The following RSRC1 variants were observed in gnomAD, a reference collection of about 807,000 sequenced individuals.
RSRC1 encodes the protein arginine and serine rich coiled-coil 1, also known as serine/Arginine-related protein 53.
A neutral mutation model predicts 49.1 loss-of-function variants in RSRC1; 39 were observed. The observed-to-expected ratio is 0.79, with a 90% confidence interval of 0.61 to 1.04. RSRC1 has a LOEUF of 1.04. RSRC1 is among the 50% of genes least tolerant of loss of function. RSRC1 has a pLI of 0.00. For synonymous variants in RSRC1, 143 were observed against 130.8 expected, an observed-to-expected ratio of 1.09 and a Z score of -0.63; for missense variants, 388 against 402.4, an observed-to-expected ratio of 0.96 and a Z score of 0.31.
In RSRC1 at chr3:158,477,798, T is replaced by TATATATATATATATATATATATA. The variant is rs1738432613; in HGVS notation, c.652+16795_652+16796insATATATATATATATATATATATA. ...TGATGGGATAGGTTGCGGGAGGGATTTATATATATATATATATATATATAT... is the reference window on the plus strand; with the variant it reads ...TGATGGGATAGGTTGCGGGAGGGATTATATATATATATATATATATATATATATATATATATATATATATATAT... On this transcript the variant is annotated intron_variant, in intron 7 of 9. Coordinates refer to ENST00000611884, the MANE Select transcript of RSRC1 (RefSeq NM_001271838.2). Among the ~76,000 whole-genome samples, 20 of 89,768 alleles carry TATATATATATATATATATATATA rather than the reference T, an allele frequency of 2.2e-4. 1 individual carries two copies. Among genetic ancestry groups the TATATATATATATATATATATATA allele is most frequent in the African/African-American group, 8.8e-4 (19 of 21,646 alleles). The allele number at this position is 89,768 out of a possible 152,430, so 58.9% of individuals were successfully genotyped here. A position where few individuals can be genotyped will look rare whatever the true frequency, so the allele number is the denominator to read the frequency against.
At chr3:158,194,990 TATA>T (rs1178648933) in intron 3 of RSRC1, among the ~76,000 whole-genome samples, 1 of 152,208 alleles carries the variant, frequency 6.6e-6, no homozygotes, top group Non-Finnish European at 1.5e-5. Context: ...CAGCATGATT[TATA>T]ATCCTTTGGG....
intron 4 of RSRC1, among the ~76,000 whole-genome samples, chr3:158,264,810 T>A (rs1479492260): frequency 6.6e-6 from 1 of 152,210 alleles, no homozygotes; most frequent in African/African-American, 2.4e-5. Context: ...GTCCTGGGTA[T>A]TTTAACCTAT....
At chr3:158,518,969 ATCTGAAGTACAGGCTC>A (rs1252022935) in intron 7 of RSRC1, among the ~76,000 whole-genome samples, 1 of 152,056 alleles carries the variant, frequency 6.6e-6, no homozygotes, top group African/African-American at 2.4e-5. Flanking sequence ...CCAAATTTTT[ATCTGAAGTACAGGCTC>A]TCTCTTCCGA....
At chr3:158,385,110 G>A (rs1365988927) in intron 6 of RSRC1, among the ~76,000 whole-genome samples, 4 of 152,020 alleles carry the variant, frequency 2.6e-5, no homozygotes, top group South Asian at 2.1e-4. Flanking sequence ...AGAACACTCC[G>A]CTATCACTGA....
intron 5 of RSRC1, among the ~76,000 whole-genome samples, chr3:158,353,908 A>G (rs1024206599): frequency 6.6e-6 from 1 of 151,706 alleles, no homozygotes; most frequent in Non-Finnish European, 1.5e-5. Context: ...GACATAATTC[A>G]TGATATAATT....
chr3:158,479,391 C>T (rs986428861), intron 7 of RSRC1, among the ~76,000 whole-genome samples: 3 of 151,650 alleles, frequency 2.0e-5, no homozygotes, highest in South Asian at 2.1e-4. Context: ...TTGGAATTTG[C>T]GAACCACTGC....
intron 5 of RSRC1, among the ~76,000 whole-genome samples, chr3:158,307,427 C>T (rs992028306): frequency 1.3e-5 from 2 of 151,874 alleles, no homozygotes; most frequent in South Asian, 2.1e-4. Flanking sequence ...GCTTACCTAA[C>T]TTAAATGAGA....
chr3:158,346,773 A>T (rs1651225834), intron 5 of RSRC1, among the ~76,000 whole-genome samples: 1 of 152,332 alleles, frequency 6.6e-6, no homozygotes, highest in South Asian at 2.1e-4. Context: ...ATAGATATTT[A>T]CCCAAGAGAT....
At chr3:158,491,459 G>A (rs1250857903) in intron 7 of RSRC1, among the ~76,000 whole-genome samples, 1 of 152,026 alleles carries the variant, frequency 6.6e-6, no homozygotes, top group Non-Finnish European at 1.5e-5. Context: ...GTTTTGGTTT[G>A]GTTTGGTTTT....
intron 6 of RSRC1, among the ~76,000 whole-genome samples, chr3:158,367,209 G>A (rs572626167): frequency 7.5e-4 from 114 of 152,168 alleles, no homozygotes; most frequent in African/African-American, 2.6e-3. Context: ...TCCTTGTCTC[G>A]TGCCGGTTTT....
chr3:158,422,723 G>C (rs373136052), intron 6 of RSRC1, among the ~76,000 whole-genome samples: 16 of 149,942 alleles, frequency 1.1e-4, no homozygotes, highest in Middle Eastern at 3.5e-3. Flanking sequence ...TTCTCCACAT[G>C]CTCTCCAGCA....
chr3:158,319,276 T>C lies in RSRC1; in HGVS notation c.531+21201T>C, dbSNP rs137972915. 2.6e-5 allele frequency among the ~76,000 whole-genome samples: 4 copies of C among 152,220 alleles called. No individual in the cohort carries two copies. The East Asian group carries it at 7.7e-4, about 29-fold the overall frequency. On this transcript the variant is annotated intron_variant, in intron 5 of 9. Coordinates refer to ENST00000611884, the MANE Select transcript of RSRC1 (RefSeq NM_001271838.2). ...TGAGTTATCATGAAATCGGATAGTTTAAGAGTGGCACTTCCCCACTCTCAC... is the reference window on the plus strand; with the variant it reads ...TGAGTTATCATGAAATCGGATAGTTCAAGAGTGGCACTTCCCCACTCTCAC...
intron 1 of RSRC1, among the ~76,000 whole-genome samples, chr3:158,112,509 C>G (rs1407643043): frequency 1.3e-5 from 2 of 152,096 alleles, no homozygotes; most frequent in Non-Finnish European, 2.9e-5. Flanking sequence ...TTGAAGTTAA[C>G]TATAACAAAG....
At chr3:158,205,649 C>T (rs1317231718) in intron 4 of RSRC1, among the ~76,000 whole-genome samples, 3 of 152,052 alleles carry the variant, frequency 2.0e-5, no homozygotes, top group Non-Finnish European at 4.4e-5. Flanking sequence ...AGTTAGGATG[C>T]TTTGGCTGTA....
At chr3:158,317,265 G>A (rs979462920) in intron 5 of RSRC1, among the ~76,000 whole-genome samples, 3 of 152,182 alleles carry the variant, frequency 2.0e-5, no homozygotes, top group African/African-American at 7.2e-5. Flanking sequence ...GTCTTACTCT[G>A]TCCTCCAGGC....
chr3:158,322,497 A>T (rs979453726), intron 5 of RSRC1, among the ~76,000 whole-genome samples: 2 of 152,126 alleles, frequency 1.3e-5, no homozygotes, highest in Non-Finnish European at 2.9e-5. Flanking sequence ...ATGTGTCATG[A>T]TGTTTTTCCC....
At chr3:158,525,903 A>G (rs1240533725) in intron 7 of RSRC1, among the ~76,000 whole-genome samples, 2 of 151,950 alleles carry the variant, frequency 1.3e-5, no homozygotes, top group Admixed American at 6.6e-5. Flanking sequence ...AATTGACTAC[A>G]GAGAGACACA....
At chr3:158,170,570 T>G (rs550537759) in intron 3 of RSRC1, among the ~76,000 whole-genome samples, 1 of 152,178 alleles carries the variant, frequency 6.6e-6, no homozygotes, top group Non-Finnish European at 1.5e-5. Context: ...CTGGGGAGGA[T>G]ACTCAAAACT....
At chr3:158,525,967 AAC>A (rs1712001117) in intron 7 of RSRC1, among the ~76,000 whole-genome samples, 1 of 151,958 alleles carries the variant, frequency 6.6e-6, no homozygotes, top group South Asian at 2.1e-4. Context: ...TTGTAGTGGT[AAC>A]ACAGAATTAA....
Sources: gnomAD v4.1 joint callset for allele counts (sites outside exome capture counted in the v4.1 genomes callset) on GRCh38, gnomAD v4.1.1 for gene constraint, MANE v1.5 for transcripts, NCBI Gene and HGNC (gene_info 2026-07-23, HGNC 2026-07-21) for gene names.